CDH23: variants seen among roughly 807,000 people sequenced by gnomAD.
CDH23 encodes the protein cadherin related 23.
CDH23 carries 189 observed loss-of-function variants against 317.1 expected under a neutral mutation model. The ratio of observed to expected loss-of-function variants is 0.60; its 90% CI spans 0.53 to 0.67. The LOEUF is 0.67. Among genes scored for constraint, CDH23 ranks in the 30% least tolerant of loss-of-function variants. CDH23 has a pLI of 0.00. For missense variants in CDH23, 4,401 were observed against 4,592.4 expected, an observed-to-expected ratio of 0.96 and a Z score of 1.20; for synonymous variants, 1,839 against 1,876.8, an observed-to-expected ratio of 0.98 and a Z score of 0.52.
chr10:71,812,189 G>T, intron 66 of CDH23, 174 bp downstream of exon 66: 1 of 1,582,816 alleles, frequency 6.3e-7, no homozygotes, highest in Non-Finnish European at 8.6e-7. Context: ...CCACGTGGCT[G>T]ACAGGGGCTC....
intron 3 of CDH23, among the ~76,000 whole-genome samples, chr10:71,456,076 G>A (rs1008853712): frequency 5.0e-4 from 76 of 152,072 alleles, no homozygotes; most frequent in African/African-American, 1.8e-3. Flanking sequence ...GAAGTTTGGA[G>A]AAGAGTCTCC....
chr10:71,539,088 G>A (rs111912385), intron 6 of CDH23, among the ~76,000 whole-genome samples: 16 of 152,304 alleles, frequency 1.1e-4, no homozygotes, highest in African/African-American at 3.4e-4. Context: ...CTCACGCTGT[G>A]GCTCTGCCTA....
At chr10:71,735,000 G>A (rs1839517895) in intron 34 of CDH23, among the ~76,000 whole-genome samples, 1 of 152,232 alleles carries the variant, frequency 6.6e-6, no homozygotes, top group Admixed American at 6.5e-5. Flanking sequence ...ACGTCTCTGT[G>A]CTTCCCTTCC....
At chr10:71,803,539 A>C in intron 55 of CDH23, 119 bp downstream of exon 55, 1 of 879,012 alleles carries the variant, frequency 1.1e-6, no homozygotes, top group South Asian at 1.7e-5. Context: ...AAGTAGCTCC[A>C]GGAAAAAAAA....
At chr10:71,592,865 T>G (rs774148807) in intron 9 of CDH23, among the ~76,000 whole-genome samples, 9 of 152,222 alleles carry the variant, frequency 5.9e-5, no homozygotes, top group Non-Finnish European at 1.2e-4. Flanking sequence ...TGGGCCATGA[T>G]GTCTACACTG....
chr10:71,800,442 C>A (rs1380505547), intron 52 of CDH23, among the ~76,000 whole-genome samples, 194 bp from the exon 53 acceptor site: 1 of 152,136 alleles, frequency 6.6e-6, no homozygotes, highest in African/African-American at 2.4e-5. Context: ...GGGCTGGTCA[C>A]CCCATCCCCA....
intron 28 of CDH23, chr10:71,713,613 G>A (rs1410052253): frequency 2.9e-6 from 1 of 343,900 alleles, no homozygotes; most frequent in African/African-American, 2.1e-5. Flanking sequence ...AAGCCCTGAG[G>A]ATTTGCGAGA....
intron 2 of CDH23, among the ~76,000 whole-genome samples, chr10:71,441,076 A>G (rs1030906244): frequency 6.6e-6 from 1 of 152,158 alleles, no homozygotes; most frequent in South Asian, 2.1e-4. Flanking sequence ...AGTACAGCAC[A>G]GTCTCAAAGA....
At chr10:71,737,081 G>A (rs578216055) in intron 34 of CDH23, among the ~76,000 whole-genome samples, 1 of 152,254 alleles carries the variant, frequency 6.6e-6, no homozygotes, top group South Asian at 2.1e-4. Context: ...CCGATCACAA[G>A]GACCCTTGTC....
At chr10:71,452,838 A>G (rs994699701) in intron 3 of CDH23, among the ~76,000 whole-genome samples, 1 of 152,218 alleles carries the variant, frequency 6.6e-6, no homozygotes, top group African/African-American at 2.4e-5. Context: ...CTTCAAGTGC[A>G]TGGCCTCCTG....
intron 6 of CDH23, among the ~76,000 whole-genome samples, chr10:71,529,399 G>C (rs1469051462): frequency 6.6e-6 from 1 of 152,160 alleles, no homozygotes; most frequent in Non-Finnish European, 1.5e-5. Flanking sequence ...GGAGGAGAGC[G>C]CTGGTGAGAT....
At chr10:71,675,418 C>G (rs549984993) in intron 15 of CDH23, among the ~76,000 whole-genome samples, 2 of 152,272 alleles carry the variant, frequency 1.3e-5, no homozygotes, top group Admixed American at 6.5e-5. Context: ...CAAAAGATAG[C>G]CTTTAGCTTT....
intron 28 of CDH23, among the ~76,000 whole-genome samples, chr10:71,720,057 G>T (rs1866479571): frequency 6.6e-6 from 1 of 152,232 alleles, no homozygotes; most frequent in Non-Finnish European, 1.5e-5. Flanking sequence ...CCTGTCGGAA[G>T]TTTGAATGGT....
intron 44 of CDH23, 92 bp from the exon 45 acceptor site, chr10:71,788,848 C>T: frequency 5.5e-6 from 4 of 726,950 alleles, no homozygotes; most frequent in Non-Finnish European, 1.0e-5. Context: ...CACCTCTGTG[C>T]CCCAATCCCC....
intron 11 of CDH23, among the ~76,000 whole-genome samples, chr10:71,623,619 G>A (rs888688152): frequency 6.6e-6 from 1 of 152,194 alleles, no homozygotes; most frequent in Non-Finnish European, 1.5e-5. Flanking sequence ...TCTCCCACAC[G>A]GGAGACACTC....
At chr10:71,746,259 AG>A in intron 38 of CDH23, among the ~76,000 whole-genome samples, 1 of 152,182 alleles carries the variant, frequency 6.6e-6, no homozygotes, top group Admixed American at 6.5e-5. Context: ...CTCCCTAAGC[AG>A]GGGGCCTGAG....
intron 48 of CDH23, chr10:71,796,770 T>C: frequency 3.8e-6 from 1 of 261,156 alleles, no homozygotes; most frequent in East Asian, 8.8e-5. Flanking sequence ...ACTCATTTTG[T>C]TTTTCTAATC....
At chr10:71,500,018 C>CA (rs34690494) in intron 3 of CDH23, among the ~76,000 whole-genome samples, 57,612 of 94,528 alleles carry the variant, frequency 0.61, 17,284 homozygotes, top group Non-Finnish European at 0.66. Flanking sequence ...GACTCCATCT[C>CA]AAAAAAAAAA....
intron 47 of CDH23, among the ~76,000 whole-genome samples, chr10:71,792,852 A>AAT (rs1554874675): frequency 0.11 from 4,358 of 37,930 alleles, 309 homozygotes; most frequent in South Asian, 0.17. Context: ...AAAAAAAAAA[A>AAT]ATATATATAT....
Sources: gnomAD v4.1 joint callset for allele counts (sites outside exome capture counted in the v4.1 genomes callset) on GRCh38, gnomAD v4.1.1 for gene constraint, MANE v1.5 for transcripts, NCBI Gene and HGNC (gene_info 2026-07-23, HGNC 2026-07-21) for gene names.